The following SLC15A5 variants were observed in gnomAD, a reference collection of about 807,000 sequenced individuals.
SLC15A5 encodes the protein Peptide/histidine transporter ENSP00000340402.
SLC15A5 carries 58 observed loss-of-function variants against 56.1 expected under a neutral mutation model. That is an observed-to-expected ratio of 1.03 (90% CI 0.84 to 1.29). The LOEUF is 1.29. SLC15A5 is among the 50% of genes most tolerant of loss of function. SLC15A5 has a pLI of 0.00. For synonymous variants in SLC15A5, 264 were observed against 250.5 expected (o/e 1.05, Z -0.51); for missense variants, 681 against 672.1 (o/e 1.01, Z -0.15).
intron 7 of SLC15A5, among the ~76,000 whole-genome samples, chr12:16,204,018 A>G (rs746820063): frequency 6.6e-5 from 10 of 152,230 alleles, no homozygotes; most frequent in Non-Finnish European, 1.5e-4. Flanking sequence ...CAGGATTTAT[A>G]TGAAGAAAAA....
intron 2 of SLC15A5, among the ~76,000 whole-genome samples, chr12:16,259,034 T>TTTTTCC: frequency 2.7e-5 from 1 of 37,236 alleles, no homozygotes; most frequent in East Asian, 9.5e-4. Flanking sequence ...CTTTTTTTTT[T>TTTTTCC]TTTTTTTTTT....
intron 7 of SLC15A5, among the ~76,000 whole-genome samples, chr12:16,195,655 A>G (rs898667967): frequency 2.0e-5 from 3 of 152,090 alleles, no homozygotes; most frequent in South Asian, 2.1e-4. Flanking sequence ...TGTTGACCCA[A>G]TAGGACTGGG....
At chr12:16,220,411 T>C (rs1423778154) in intron 6 of SLC15A5, among the ~76,000 whole-genome samples, 1 of 152,240 alleles carries the variant, frequency 6.6e-6, no homozygotes, top group East Asian at 1.9e-4. Flanking sequence ...ATCCTTTCAA[T>C]CTTGGTTGTC....
At chr12:16,246,356 G>A (rs551525866) in intron 3 of SLC15A5, among the ~76,000 whole-genome samples, 2 of 152,300 alleles carry the variant, frequency 1.3e-5, no homozygotes, top group East Asian at 3.9e-4. Flanking sequence ...GCTCTATTAT[G>A]AGACTTTCCT....
At chr12:16,232,978 AAGAG>A (rs997536216) in intron 5 of SLC15A5, among the ~76,000 whole-genome samples, 60 of 145,666 alleles carry the variant, frequency 4.1e-4, no homozygotes, top group Admixed American at 1.1e-3. Flanking sequence ...AGAAAGAAGA[AAGAG>A]AGGGAGGGAG....
intron 4 of SLC15A5, among the ~76,000 whole-genome samples, chr12:16,240,430 T>C (rs1864401850): frequency 6.6e-6 from 1 of 152,034 alleles, no homozygotes; most frequent in South Asian, 2.1e-4. Context: ...TTGTTTCCAA[T>C]GTGAACTAAG....
chr12:16,190,113 A>G (rs764911656), intron 8 of SLC15A5, among the ~76,000 whole-genome samples: 34 of 152,188 alleles, frequency 2.2e-4, no homozygotes, highest in Non-Finnish European at 4.0e-4. Context: ...TATTGACTTG[A>G]CAGATTTCAT....
At chr12:16,205,989 A>C (rs571719707) in intron 7 of SLC15A5, among the ~76,000 whole-genome samples, 4 of 152,170 alleles carry the variant, frequency 2.6e-5, no homozygotes, top group Non-Finnish European at 4.4e-5. Context: ...AAAAGTCCAA[A>C]ATTGTCGAGA....
chr12:16,248,417 T>C (rs1021590919), intron 3 of SLC15A5, among the ~76,000 whole-genome samples: 2 of 151,864 alleles, frequency 1.3e-5, no homozygotes, highest in African/African-American at 4.8e-5. Context: ...AGGAGAAAGG[T>C]TGGTTAAGGA....
chr12:16,273,194 T>C (rs1234822609), intron 1 of SLC15A5, among the ~76,000 whole-genome samples: 1 of 152,114 alleles, frequency 6.6e-6, no homozygotes, highest in Non-Finnish European at 1.5e-5. Context: ...GAAAACACCA[T>C]GATCTCACAC....
At position 16,213,616 on chromosome 12, in the gene SLC15A5, A is replaced by C. The variant is rs138595964; in HGVS notation, c.1483+3277T>G. Among the ~76,000 whole-genome samples, 255 of 152,308 alleles carry C rather than the reference A, an allele frequency of 1.7e-3. 1 individual carries two copies. The highest frequency in any genetic ancestry group is 5.3e-3 in the African/African-American group (220 of 41,578). ...ACTATGTTAGACTAGTTGAGGTCTA[A>C]GGCAACATTCAACTCTATGATTGTG... On this transcript the variant is annotated intron_variant, in intron 7 of 8. Coordinates refer to ENST00000344941, the MANE Select transcript of SLC15A5 (RefSeq NM_001170798.1).
intron 4 of SLC15A5, among the ~76,000 whole-genome samples, chr12:16,240,809 CT>C (rs1306147404): frequency 6.6e-6 from 1 of 150,694 alleles, no homozygotes; most frequent in Non-Finnish European, 1.5e-5. Context: ...TCATCATGAT[CT>C]TTTTTATTTT....
In SLC15A5 at chr12:16,213,700, C is replaced by A. The variant is rs143508730; in HGVS notation, c.1483+3193G>T. Among the ~76,000 whole-genome samples, 1,364 of 152,240 alleles carry A rather than the reference C, an allele frequency of 9.0e-3. 16 individuals are homozygous for A. Among genetic ancestry groups the A allele is most frequent in the Middle Eastern group, 0.01 (3 of 294 alleles). On this transcript the variant is annotated intron_variant, in intron 7 of 8. Transcript: ENST00000344941. ...ATTATTATAAACCAGAAAGAATACACTTAAAATAAGATGTAGCTTAAATTG... is the reference window on the plus strand; with the variant it reads ...ATTATTATAAACCAGAAAGAATACAATTAAAATAAGATGTAGCTTAAATTG...
intron 6 of SLC15A5, among the ~76,000 whole-genome samples, chr12:16,220,921 A>G (rs186233116): frequency 8.3e-4 from 126 of 152,264 alleles, no homozygotes; most frequent in Non-Finnish European, 1.4e-3. Flanking sequence ...AGGGTATGAG[A>G]CAGCTGAGGT....
intron 3 of SLC15A5, among the ~76,000 whole-genome samples, chr12:16,249,336 T>G (rs1864497350): frequency 6.6e-6 from 1 of 152,056 alleles, no homozygotes; most frequent in Admixed American, 6.6e-5. Context: ...TTGAGGAATT[T>G]CCAATTTAGT....
Position 16,194,437 on chromosome 12 carries a change from G to C in SLC15A5, c.1500C>G (p.Asn500Lys), listed in dbSNP as rs755013541. 1 of 1,533,790 alleles carries C rather than the reference G, an allele frequency of 6.5e-7. No homozygotes were observed. Among genetic ancestry groups the C allele is most frequent in the South Asian group, 1.2e-5 (1 of 83,708 alleles). The change falls in exon 8 of 9, where the codon AAC becomes AAG. Residue 500 changes from asparagine to lysine, a missense_variant. By Grantham distance (94) the Asn-to-Lys change is moderately conservative. Transcript: ENST00000344941. ...TTTCTAAATTGCCTTTGTTTAATGTGTTTGGAAACCAATTGCCTGTTTGGA... is the reference window on the plus strand; with the variant it reads ...TTTCTAAATTGCCTTTGTTTAATGTCTTTGGAAACCAATTGCCTGTTTGGA... The part of the protein sequence containing the change: ...YLISDGNWFP[N>K]TLNKGNLESF...
chr12:16,262,829 C>A (rs1468742359), intron 2 of SLC15A5, among the ~76,000 whole-genome samples: 1 of 152,178 alleles, frequency 6.6e-6, no homozygotes, highest in Non-Finnish European at 1.5e-5. Context: ...AGTTTCTCTG[C>A]ACAGCTCCCT....
chr12:16,242,748 A>G (rs1864424813), intron 4 of SLC15A5, among the ~76,000 whole-genome samples: 1 of 152,266 alleles, frequency 6.6e-6, no homozygotes, highest in Admixed American at 6.5e-5. Flanking sequence ...ACTTAGTGGA[A>G]AGAAATGTCA....
chr12:16,205,257 T>C (rs79040581), intron 7 of SLC15A5, among the ~76,000 whole-genome samples: 1,642 of 151,980 alleles, frequency 0.011, 12 homozygotes, highest in South Asian at 0.022. Flanking sequence ...ATCAAAATAT[T>C]ATGCTAAGGG....
Sources: allele counts gnomAD v4.1 joint callset (sites outside exome capture counted in the v4.1 genomes callset), GRCh38; gene constraint gnomAD v4.1.1; transcripts MANE v1.5; gene names NCBI Gene and HGNC (gene_info 2026-07-23, HGNC 2026-07-21).